DPY19L4: variants seen among roughly 807,000 people sequenced by gnomAD.
The protein encoded by DPY19L4 is dpy-19 like 4.
In DPY19L4, 97 loss-of-function variants were observed where a neutral mutation model predicts 102.8. The observed-to-expected ratio is 0.94, with a 90% CI of 0.80 to 1.12. The LOEUF is 1.12. DPY19L4 is among the 50% of genes most tolerant of loss of function. The pLI, the probability that DPY19L4 is intolerant of heterozygous loss-of-function variation, is 0.00. For missense variants in DPY19L4, 815 were observed against 850.4 expected, an observed-to-expected ratio of 0.96 and a Z score of 0.52; for synonymous variants, 252 against 283.1, an observed-to-expected ratio of 0.89 and a Z score of 1.10.
At chr8:94,767,295 CTTT>C (rs5893296) in intron 11 of DPY19L4, among the ~76,000 whole-genome samples, 3 of 132,716 alleles carry the variant, frequency 2.3e-5, no homozygotes, top group African/African-American at 2.8e-5. Context: ...AACCAGGAGT[CTTT>C]TTTTTTTTTT....
intron 3 of DPY19L4, among the ~76,000 whole-genome samples, chr8:94,737,566 G>A (rs1367741770): frequency 6.6e-6 from 1 of 151,886 alleles, no homozygotes. Flanking sequence ...GGCGGATCAC[G>A]AGGTCAGGAG....
intron 8 of DPY19L4, among the ~76,000 whole-genome samples, chr8:94,762,782 G>A (rs1187283488): frequency 1.3e-5 from 2 of 152,000 alleles, no homozygotes. Context: ...GCTGAGGCGG[G>A]AGGATCACTT....
chr8:94,770,175 C>T (rs754690860), intron 12 of DPY19L4, among the ~76,000 whole-genome samples: 12 of 152,284 alleles, frequency 7.9e-5, no homozygotes, highest in Admixed American at 2.6e-4. Flanking sequence ...GCGTAAGTCA[C>T]TGCCCCTAAC....
At chr8:94,774,713 G>A (rs1245480738) in intron 13 of DPY19L4, among the ~76,000 whole-genome samples, 1 of 151,832 alleles carries the variant, frequency 6.6e-6, no homozygotes, top group Non-Finnish European at 1.5e-5. Flanking sequence ...GAGTAACTGG[G>A]ATTACAGACA....
At chr8:94,729,277 CA>C (rs1341136719) in intron 2 of DPY19L4, among the ~76,000 whole-genome samples, 1 of 151,868 alleles carries the variant, frequency 6.6e-6, no homozygotes, top group Non-Finnish European at 1.5e-5. Context: ...GAGGCTGAGA[CA>C]GGAGAATCGC....
In DPY19L4 at chr8:94,792,287, A is replaced by AGC. The variant is rs1269259175; in HGVS notation, c.*2377_*2378insGC. ...ACTCTTGTCTCCCAGGCTGGAGTGCAATGGCGCGATCTTGGCTCACTGCAA... is the reference window on the plus strand; with the variant it reads ...ACTCTTGTCTCCCAGGCTGGAGTGCAGCATGGCGCGATCTTGGCTCACTGCAA... On this transcript the variant is annotated 3_prime_UTR_variant, in exon 19 of 19. Transcript: ENST00000414645. The AGC allele has an allele frequency of 6.6e-6, 1 of 152,004 alleles. No homozygotes were observed. Among genetic ancestry groups the AGC allele is most frequent in the African/African-American group, 2.4e-5 (1 of 41,358 alleles). 9.4% of individuals were successfully genotyped at this position (152,004 alleles called of 1,614,324 possible). A position where few individuals can be genotyped will look rare whatever the true frequency, so the allele number is the denominator to read the frequency against.
intron 2 of DPY19L4, among the ~76,000 whole-genome samples, chr8:94,732,016 C>T (rs574630424): frequency 6.6e-6 from 1 of 152,130 alleles, no homozygotes; most frequent in African/African-American, 2.4e-5. Context: ...CGTGATCCGC[C>T]TGCCTCGGCC....
chr8:94,746,001 A>G (rs1359569416), intron 6 of DPY19L4, among the ~76,000 whole-genome samples: 1 of 141,458 alleles, frequency 7.1e-6, no homozygotes, highest in Non-Finnish European at 1.5e-5. Flanking sequence ...TGATCTGCCC[A>G]CCTCAGCCTC....
In DPY19L4 at chr8:94,756,085, G is replaced by A; in HGVS notation, c.661G>A (p.Ala221Thr). 1 of 1,613,494 alleles carries A rather than the reference G, an allele frequency of 6.2e-7. No individual in the cohort carries two copies. The highest frequency in any genetic ancestry group is 1.3e-5 in the African/African-American group (1 of 75,002). ...CTCCATTCCTTTAAGAGAAAACTGGGCACTACCATATTTTGCATGCCAAAT... is the reference window on the plus strand; with the variant it reads ...CTCCATTCCTTTAAGAGAAAACTGGACACTACCATATTTTGCATGCCAAAT... Reference protein sequence around the residue: ...EYSIPLRENWALPYFACQIAA... With the variant: ...EYSIPLRENWTLPYFACQIAA... Residue 221 changes from alanine (A) to threonine (T), a missense_variant, in exon 7 of 19, where the codon GCA becomes ACA. Transcript: ENST00000414645.
At chr8:94,757,892 C>T (rs1812232157) in intron 7 of DPY19L4, among the ~76,000 whole-genome samples, 2 of 152,014 alleles carry the variant, frequency 1.3e-5, no homozygotes, top group Admixed American at 6.6e-5. Context: ...AGGCAAATCA[C>T]CTGAGGTCAG....
intron 5 of DPY19L4, 46 bp downstream of exon 5, chr8:94,739,580 C>G (rs375687891): frequency 6.2e-7 from 1 of 1,601,192 alleles, no homozygotes; most frequent in Non-Finnish European, 8.5e-7. Flanking sequence ...CTCATGTATT[C>G]ATGAATCCTC....
rs555134468 is a variant in DPY19L4 at position 94,753,786 on chromosome 8, C to T, written c.612-2250C>T. Among the ~76,000 whole-genome samples, 11 of 152,202 alleles carry T rather than the reference C, an allele frequency of 7.2e-5. No individual in the cohort carries two copies. In the East Asian group the frequency reaches 7.7e-4, roughly 11 times the overall value. On this transcript the variant is annotated intron_variant, in intron 6 of 18. Transcript: ENST00000414645. Reference sequence around the variant, plus strand: ...ACTCAGGAGGCTGAGGCAGGAGAATCGCTTGAACCTTGGGAGGTGGAGATT... The same window carrying T: ...ACTCAGGAGGCTGAGGCAGGAGAATTGCTTGAACCTTGGGAGGTGGAGATT...
At chr8:94,738,494 AT>A in intron 4 of DPY19L4, 35 bp downstream of exon 4, 2 of 1,284,756 alleles carry the variant, frequency 1.6e-6, no homozygotes, top group Non-Finnish European at 2.1e-6. Context: ...TAATAACAGT[AT>A]TTTCCTTTTT....
intron 12 of DPY19L4, among the ~76,000 whole-genome samples, chr8:94,769,890 T>G (rs1812847077): frequency 1.0e-5 from 1 of 96,718 alleles, no homozygotes; most frequent in Non-Finnish European, 2.2e-5. Context: ...ATTCTTTTCT[T>G]TTTTTTTTTT....
Position 94,739,457 on chromosome 8 carries a change from A to T in DPY19L4, c.388A>T (p.Thr130Ser), listed in dbSNP as rs1229646907. The change falls in exon 5 of 19, where the codon ACT (threonine) becomes TCT (serine). Residue 130 changes from threonine (T) to serine (S), a missense_variant. Physicochemically the swap from Thr to Ser is moderately conservative, Grantham distance 58. Transcript: ENST00000414645. Reference sequence around the variant, plus strand: ...CAATAACAAAACTGTATCTCTGAAGACTATAAATGCAGTGCAGCAAATGTC... The same window carrying T: ...CAATAACAAAACTGTATCTCTGAAGTCTATAAATGCAGTGCAGCAAATGTC... ...THNNKTVSLK[T>S]INAVQQMSLY... 3.7e-6 allele frequency: 6 copies of T among 1,600,944 alleles called. No individual in the cohort carries two copies. Among genetic ancestry groups the T allele is most frequent in the Non-Finnish European group, 5.1e-6 (6 of 1,176,540 alleles).
At chr8:94,750,409 A>C (rs960555031) in intron 6 of DPY19L4, among the ~76,000 whole-genome samples, 1 of 152,184 alleles carries the variant, frequency 6.6e-6, no homozygotes, top group African/African-American at 2.4e-5. Flanking sequence ...ATATATTGTT[A>C]AGTAAAAAAT....
At chr8:94,779,708 T>C (rs1387119126) in intron 14 of DPY19L4, among the ~76,000 whole-genome samples, 1 of 152,124 alleles carries the variant, frequency 6.6e-6, no homozygotes, top group Non-Finnish European at 1.5e-5. Flanking sequence ...AGAAGATCAG[T>C]AAGCCTCACT....
intron 2 of DPY19L4, among the ~76,000 whole-genome samples, chr8:94,732,479 A>T (rs1200797384): frequency 6.6e-6 from 1 of 152,142 alleles, no homozygotes; most frequent in Non-Finnish European, 1.5e-5. Context: ...ATCTGTTGAG[A>T]CCAGGATTTC....
rs143104915 is a variant in DPY19L4 at position 94,764,117 on chromosome 8, TG to T, written c.871-1061del. On this transcript the variant is annotated intron_variant, in intron 8 of 18. Transcript: ENST00000414645. Reference sequence around the variant, plus strand: ...CAGTATATTTTCACTGGGTAGGTTTTGGGGGCTACTGCTAAAAATTATGATT... The same window carrying T: ...CAGTATATTTTCACTGGGTAGGTTTTGGGGCTACTGCTAAAAATTATGATT... Among the ~76,000 whole-genome samples, 1,135 of 152,346 alleles carry T rather than the reference TG, an allele frequency of 7.5e-3. 6 individuals carry two copies. The highest frequency in any genetic ancestry group is 0.022 in the African/African-American group (899 of 41,574).
Sources: gnomAD v4.1 joint callset for allele counts (sites outside exome capture counted in the v4.1 genomes callset) on GRCh38, gnomAD v4.1.1 for gene constraint, MANE v1.5 for transcripts, NCBI Gene and HGNC (gene_info 2026-07-23, HGNC 2026-07-21) for gene names.